PCDHAC1: variants seen among roughly 807,000 people sequenced by gnomAD.
PCDHAC1 encodes the protein protocadherin alpha subfamily C, 1.
In PCDHAC1, 42 loss-of-function variants were observed where a neutral mutation model predicts 60.0. The observed-to-expected ratio is 0.70, with a 90% CI of 0.55 to 0.90. The LOEUF is 0.90. PCDHAC1 is among the 40% of genes least tolerant of loss of function. The pLI, the probability that PCDHAC1 is intolerant of heterozygous loss-of-function variation, is 0.00. For missense variants in PCDHAC1, 1,160 were observed against 1,222.3 expected (o/e 0.95, Z 0.76); for synonymous variants, 468 against 499.3 (o/e 0.94, Z 0.84).
At chr5:140,984,398 A>T (rs1377930175) in intron 3 of PCDHAC1, among the ~76,000 whole-genome samples, 1 of 152,142 alleles carries the variant, frequency 6.6e-6, no homozygotes, top group Non-Finnish European at 1.5e-5. Flanking sequence ...AAATGTTGAG[A>T]ACCTATCTTT....
chr5:140,983,270 GGGT>G (rs1349296894), intron 3 of PCDHAC1, among the ~76,000 whole-genome samples: 4 of 152,152 alleles, frequency 2.6e-5, no homozygotes, highest in Non-Finnish European at 2.9e-5. Flanking sequence ...CCTAATGGCT[GGGT>G]GAGTATAGGA....
chr5:141,000,393 C>CTATAAATATATA (rs1563650230), intron 3 of PCDHAC1, among the ~76,000 whole-genome samples: 1 of 52,856 alleles, frequency 1.9e-5, no homozygotes, highest in African/African-American at 9.2e-5. Flanking sequence ...CTCTCTCTCT[C>CTATAAATATATA]TCTATATATA....
intron 1 of PCDHAC1, among the ~76,000 whole-genome samples, chr5:140,941,206 T>TCTTCCTTC (rs201128549): frequency 1.0e-4 from 10 of 95,674 alleles, no homozygotes; most frequent in African/African-American, 3.6e-4. Flanking sequence ...TTTCTTCCTT[T>TCTTCCTTC]CTTTCTTCCT....
At chr5:140,974,291 A>G (rs1417274006) in intron 1 of PCDHAC1, among the ~76,000 whole-genome samples, 1 of 152,196 alleles carries the variant, frequency 6.6e-6, no homozygotes, top group Admixed American at 6.5e-5. Context: ...CTGGGCTCCA[A>G]GGAGGTACAA....
intron 3 of PCDHAC1, among the ~76,000 whole-genome samples, chr5:140,990,272 C>A (rs568200508): frequency 6.6e-6 from 1 of 152,196 alleles, no homozygotes; most frequent in African/African-American, 2.4e-5. Flanking sequence ...CAATGTACCC[C>A]GGGTCTTGAG....
chr5:140,938,385 A>G (rs952402645), intron 1 of PCDHAC1, among the ~76,000 whole-genome samples: 8 of 152,202 alleles, frequency 5.3e-5, no homozygotes, highest in Admixed American at 2.6e-4. Flanking sequence ...TAAATATTTA[A>G]TATGAAATAC....
At chr5:140,957,895 A>G (rs1169291586) in intron 1 of PCDHAC1, among the ~76,000 whole-genome samples, 1 of 152,118 alleles carries the variant, frequency 6.6e-6, no homozygotes, top group African/African-American at 2.4e-5. Flanking sequence ...GTTGGCATCA[A>G]CCAAGGCATA....
intron 1 of PCDHAC1, among the ~76,000 whole-genome samples, chr5:140,938,510 A>G (rs2092097687): frequency 6.6e-6 from 1 of 151,662 alleles, no homozygotes; most frequent in Non-Finnish European, 1.5e-5. Context: ...TTTATCACAT[A>G]TTTTCTGTTA....
chr5:140,959,876 G>A (rs1335764869), intron 1 of PCDHAC1, among the ~76,000 whole-genome samples: 1 of 152,134 alleles, frequency 6.6e-6, no homozygotes. Context: ...ATCTGTCAAG[G>A]AATACACGAG....
At chr5:140,982,218 G>A (rs1054533925) in intron 2 of PCDHAC1, 11 of 523,574 alleles carry the variant, frequency 2.1e-5, no homozygotes, top group African/African-American at 7.7e-5. Context: ...GCCACATGGC[G>A]TTAATAAAAA....
intron 1 of PCDHAC1, among the ~76,000 whole-genome samples, chr5:140,955,950 C>G (rs2095241045): frequency 6.6e-6 from 1 of 151,920 alleles, no homozygotes; most frequent in African/African-American, 2.4e-5. Flanking sequence ...TGTCTACTTG[C>G]TTGTTGTTTG....
intron 3 of PCDHAC1, 123 bp downstream of exon 3, chr5:140,982,686 C>T: frequency 2.8e-6 from 4 of 1,418,870 alleles, no homozygotes; most frequent in Non-Finnish European, 3.7e-6. Context: ...TCCCTTTTTT[C>T]CATACATACA....
intron 1 of PCDHAC1, among the ~76,000 whole-genome samples, chr5:140,959,381 A>G (rs2095484925): frequency 6.6e-6 from 1 of 152,190 alleles, no homozygotes; most frequent in African/African-American, 2.4e-5. Flanking sequence ...CTCAAAAAAA[A>G]AAGTCACAAA....
In PCDHAC1 at chr5:140,942,596, A is replaced by T. The variant is rs116159999; in HGVS notation, c.2433+13271A>T. On this transcript the variant is annotated intron_variant, in intron 1 of 3. Coordinates refer to ENST00000253807, the MANE Select transcript of PCDHAC1 (RefSeq NM_018898.5). ...CCCATATAGGATGTCACATATAATT[A>T]TAGTGTTTATATTTGCCAATTGTAA... 7.0e-3 allele frequency among the ~76,000 whole-genome samples: 992 copies of T among 142,408 alleles called. 16 individuals carry two copies. Among genetic ancestry groups the T allele is most frequent in the African/African-American group, 0.025 (912 of 36,952 alleles). 93.4% of individuals were successfully genotyped at this position (142,408 alleles called of 152,430 possible).
chr5:140,995,954 A>G (rs2097705768), intron 3 of PCDHAC1, among the ~76,000 whole-genome samples: 1 of 152,226 alleles, frequency 6.6e-6, no homozygotes, highest in South Asian at 2.1e-4. Context: ...TGCACGCAAA[A>G]TGCTTAGAAC....
chr5:140,966,658 G>A (rs887585622), intron 1 of PCDHAC1: 5 of 1,212,426 alleles, frequency 4.1e-6, no homozygotes, highest in Admixed American at 3.9e-5. Flanking sequence ...GAGCGGTGGG[G>A]GAGCAGGCGC....
intron 3 of PCDHAC1, among the ~76,000 whole-genome samples, chr5:141,003,222 G>A (rs1221950770): frequency 2.6e-5 from 4 of 152,224 alleles, no homozygotes; most frequent in Non-Finnish European, 4.4e-5. Flanking sequence ...CATGAAAGAG[G>A]AAAGCTGGAA....
chr5:140,997,820 T>C (rs2097787131), intron 3 of PCDHAC1, among the ~76,000 whole-genome samples: 1 of 152,170 alleles, frequency 6.6e-6, no homozygotes. Flanking sequence ...GGTATCTATG[T>C]TTTCTAAACA....
chr5:140,985,021 T>A (rs2097132867), intron 3 of PCDHAC1, among the ~76,000 whole-genome samples: 1 of 151,956 alleles, frequency 6.6e-6, no homozygotes, highest in African/African-American at 2.4e-5. Flanking sequence ...CACAGCAACC[T>A]CTGCCTCCTG....
Sources: allele counts gnomAD v4.1 joint callset (sites outside exome capture counted in the v4.1 genomes callset), GRCh38; gene constraint gnomAD v4.1.1; transcripts MANE v1.5; gene names NCBI Gene and HGNC (gene_info 2026-07-23, HGNC 2026-07-21).